The following CCNYL1 variants were observed in gnomAD, a reference collection of about 807,000 sequenced individuals.
The protein encoded by CCNYL1 is cyclin-Y-like protein 1.
In CCNYL1, 16 loss-of-function variants were observed where a neutral mutation model predicts 44.2. That is an observed-to-expected ratio of 0.36 (90% CI 0.25 to 0.55). CCNYL1 has a LOEUF of 0.55. Ranked by LOEUF, CCNYL1 falls within the 20% of genes least tolerant of loss-of-function variation. CCNYL1 has a pLI of 0.85. For missense variants in CCNYL1, 348 were observed against 451.8 expected (o/e 0.77, Z 2.08); for synonymous variants, 159 against 163.2 (o/e 0.97, Z 0.20).
At chr2:207,721,484 G>C (rs2091639558) in intron 1 of CCNYL1, among the ~76,000 whole-genome samples, 1 of 152,144 alleles carries the variant, frequency 6.6e-6, no homozygotes, top group South Asian at 2.1e-4. Flanking sequence ...TAGATTCAAG[G>C]AGAAGCAGTG....
intron 1 of CCNYL1, among the ~76,000 whole-genome samples, chr2:207,715,136 C>T (rs914719806): frequency 6.6e-6 from 1 of 151,884 alleles, no homozygotes; most frequent in African/African-American, 2.4e-5. Context: ...GGTGTGGTGG[C>T]GGGCATCTGT....
chr2:207,729,224 T>A (rs971766987), intron 3 of CCNYL1, among the ~76,000 whole-genome samples: 35 of 147,774 alleles, frequency 2.4e-4, no homozygotes, highest in African/African-American at 8.6e-4. Context: ...AGACCAGTGT[T>A]TCTGCATTGA....
chr2:207,731,702 CT>C (rs2091727640), intron 3 of CCNYL1, among the ~76,000 whole-genome samples: 3 of 152,062 alleles, frequency 2.0e-5, no homozygotes, highest in South Asian at 4.2e-4. Context: ...CTGCCACCCC[CT>C]AGTCTCAAGA....
intron 3 of CCNYL1, among the ~76,000 whole-genome samples, chr2:207,728,820 C>T (rs1424755533): frequency 4.6e-5 from 7 of 151,604 alleles, no homozygotes; most frequent in Non-Finnish European, 8.8e-5. Context: ...TTTTTTGAGA[C>T]GGAGTCTTGC....
At chr2:207,746,228 C>G (rs1300700718) in intron 7 of CCNYL1, among the ~76,000 whole-genome samples, 1 of 152,222 alleles carries the variant, frequency 6.6e-6, no homozygotes, top group Non-Finnish European at 1.5e-5. Context: ...CTGCTCTGCA[C>G]AGCAGCCACT....
At chr2:207,746,927 A>T (rs1415652090) in intron 7 of CCNYL1, 120 bp from the exon 8 acceptor site, 1 of 740,604 alleles carries the variant, frequency 1.4e-6, no homozygotes, top group African/African-American at 1.8e-5. Context: ...GTGAGCCGAG[A>T]TCGCACCATT....
intron 7 of CCNYL1, among the ~76,000 whole-genome samples, chr2:207,743,164 G>T (rs2091824760): frequency 6.6e-6 from 1 of 152,206 alleles, no homozygotes; most frequent in Admixed American, 6.5e-5. Context: ...GTGGGTACTG[G>T]ATCAGACTTA....
chr2:207,754,014 A>AAAC lies in CCNYL1; in HGVS notation c.*319_*321dup, dbSNP rs988087288. The AAAC allele has an allele frequency of 4.6e-6, 1 of 218,072 alleles. No homozygotes were observed. The highest frequency in any genetic ancestry group is 2.3e-5 in the African/African-American group (1 of 44,056). The allele number at this position is 218,072 out of a possible 1,614,324, so 13.5% of individuals were successfully genotyped here. ...AGCTGTGAACTATGTAAGGTTTTTT[A>AAAC]AACAATAGTTTAAATTTTTAGACTT... is the stretch of plus-strand genomic sequence containing the variant. On this transcript the variant is annotated 3_prime_UTR_variant, in exon 10 of 10. Coordinates refer to ENST00000295414, the MANE Select transcript of CCNYL1 (RefSeq NM_001330218.2).
chr2:207,727,539 G>C (rs1353267837), intron 3 of CCNYL1, among the ~76,000 whole-genome samples: 1 of 152,186 alleles, frequency 6.6e-6, no homozygotes, highest in East Asian at 1.9e-4. Flanking sequence ...TTTTTTGTGT[G>C]TGTGGAATTA....
chr2:207,724,696 T>G, intron 1 of CCNYL1, 104 bp from the exon 2 acceptor site: 1 of 812,814 alleles, frequency 1.2e-6, no homozygotes, highest in East Asian at 2.7e-5. Flanking sequence ...ACTAAAAACT[T>G]CTCTGAAGAC....
intron 2 of CCNYL1, among the ~76,000 whole-genome samples, chr2:207,726,264 A>G (rs1016835885): frequency 2.0e-5 from 3 of 152,226 alleles, no homozygotes; most frequent in Admixed American, 2.0e-4. Flanking sequence ...TGAATATACC[A>G]TGTTCAATTA....
intron 3 of CCNYL1, among the ~76,000 whole-genome samples, chr2:207,729,443 C>T (rs181929862): frequency 2.0e-5 from 3 of 152,176 alleles, no homozygotes; most frequent in Admixed American, 6.5e-5. Flanking sequence ...CACTCCCATG[C>T]ATTCCTTTTT....
At chr2:207,718,213 A>C (rs2091612160) in intron 1 of CCNYL1, among the ~76,000 whole-genome samples, 1 of 152,064 alleles carries the variant, frequency 6.6e-6, no homozygotes, top group Admixed American at 6.5e-5. Context: ...CAATATTTTT[A>C]ATTGTTTAAG....
chr2:207,728,260 C>CT (rs2091695882), intron 3 of CCNYL1, among the ~76,000 whole-genome samples: 1 of 142,550 alleles, frequency 7.0e-6, no homozygotes, highest in African/African-American at 2.9e-5. Context: ...CTGCACCTGG[C>CT]CTTTTTTTTT....
Position 207,724,926 on chromosome 2 carries a change from A to G in CCNYL1, c.295+52A>G, listed in dbSNP as rs532087499. 2.1e-4 allele frequency: 291 copies of G among 1,369,954 alleles called. 1 individual carries two copies. The Admixed American group carries it at 2.7e-3, about 13-fold the overall frequency. The allele number at this position is 1,369,954 out of a possible 1,614,324, so 84.9% of individuals were successfully genotyped here. A position where few individuals can be genotyped will look rare whatever the true frequency, so the allele number is the denominator to read the frequency against. The stretch of plus-strand genomic sequence containing the variant: ...AAGGAAAAGACTGAAAACTGTTTCT[A>G]TTTTATTGGATGTATTATAGAAGGT... On this transcript the variant is annotated intron_variant, in intron 2 of 9. Transcript: ENST00000295414.
At chr2:207,741,325 A>G (rs2091808256) in intron 6 of CCNYL1, among the ~76,000 whole-genome samples, 1 of 152,180 alleles carries the variant, frequency 6.6e-6, no homozygotes, top group African/African-American at 2.4e-5. Flanking sequence ...CGAGCCTACA[A>G]GTAGTTTACA....
intron 1 of CCNYL1, among the ~76,000 whole-genome samples, chr2:207,713,734 G>A (rs1218848491): frequency 6.6e-6 from 1 of 152,172 alleles, no homozygotes; most frequent in African/African-American, 2.4e-5. Flanking sequence ...TAAGCTTCAT[G>A]ATGGACATGC....
intron 4 of CCNYL1, among the ~76,000 whole-genome samples, chr2:207,735,527 C>A (rs1387135012): frequency 6.6e-6 from 1 of 152,124 alleles, no homozygotes; most frequent in Non-Finnish European, 1.5e-5. Flanking sequence ...CTCAGTCATT[C>A]CCAAAATTTG....
Position 207,717,518 on chromosome 2 carries a change from A to G in CCNYL1, c.220+5402A>G, listed in dbSNP as rs559711415. Among the ~76,000 whole-genome samples, 3 of 152,288 alleles carry G rather than the reference A, an allele frequency of 2.0e-5. 1 individual carries two copies. The highest frequency in any genetic ancestry group is 3.9e-4 in the East Asian group (2 of 5,184). On this transcript the variant is annotated intron_variant, in intron 1 of 9. Transcript: ENST00000295414. Reference sequence around the variant, plus strand: ...ATAGATAATACATGAATAATCAAGAATGTTAGGTGGTGAGGTGCTAGGGAG... The same window carrying G: ...ATAGATAATACATGAATAATCAAGAGTGTTAGGTGGTGAGGTGCTAGGGAG...
Sources: allele counts gnomAD v4.1 joint callset (sites outside exome capture counted in the v4.1 genomes callset), GRCh38; gene constraint gnomAD v4.1.1; transcripts MANE v1.5; gene names NCBI Gene and HGNC (gene_info 2026-07-23, HGNC 2026-07-21).